RNF150: variants seen among roughly 807,000 people sequenced by gnomAD.
The protein encoded by RNF150 is ring finger protein 150.
In RNF150, 24 loss-of-function variants were observed where a neutral mutation model predicts 39.3. That is an observed-to-expected ratio of 0.61 (90% confidence interval 0.44 to 0.86). The LOEUF (loss-of-function observed/expected upper bound fraction) is 0.86. Among genes scored for constraint, RNF150 ranks in the 40% least tolerant of loss-of-function variants. The probability of loss-of-function intolerance (pLI) is 0.00; values close to 1 mark genes in which losing one functional copy is unlikely to be tolerated. For missense variants in RNF150, 502 were observed against 587.8 expected (o/e 0.85, Z 1.51); for synonymous variants, 255 against 227.3 (o/e 1.12, Z -1.10).
chr4:140,912,959 T>TAAAAAAAAAAAAA (rs10616886), intron 5 of RNF150, among the ~76,000 whole-genome samples: 1 of 138,176 alleles, frequency 7.2e-6, no homozygotes, highest in Admixed American at 7.0e-5. Context: ...CATCAGAACA[T>TAAAAAAAAAAAAA]AAAAAAAAAA....
chr4:141,182,336 C>T (rs1190054249), intron 1 of RNF150, among the ~76,000 whole-genome samples: 1 of 60,870 alleles, frequency 1.6e-5, no homozygotes, highest in Admixed American at 2.1e-4. Flanking sequence ...CCAGGGCAAT[C>T]AGGCAGGAGA....
Position 140,967,733 on chromosome 4 carries a change from C to T in RNF150, c.625G>A (p.Val209Ile), listed in dbSNP as rs746883500. ...ATGAAGGAGATGGAGACAAACACAA[C>T]CGAAGTGCGGCTCACATATTTCTGC... ...NLQKYVSRTS[V>I]VFVSISFIVL... is the part of the protein sequence containing the mutation. Residue 209 changes from valine (V) to isoleucine (I), a missense_variant, in exon 2 of 7, where the codon GTT becomes ATT. Coordinates refer to ENST00000515673, the MANE Select transcript of RNF150 (RefSeq NM_020724.2). 6.2e-7 allele frequency: 1 copy of T among 1,613,550 alleles called. No homozygotes were observed. Among genetic ancestry groups the T allele is most frequent in the Non-Finnish European group, 8.5e-7 (1 of 1,179,656 alleles).
chr4:140,924,065 T>C (rs181957299), intron 5 of RNF150, among the ~76,000 whole-genome samples: 42 of 152,246 alleles, frequency 2.8e-4, no homozygotes, highest in African/African-American at 9.6e-4. Flanking sequence ...AGCACATGTA[T>C]ACACATGCAA....
intron 1 of RNF150, among the ~76,000 whole-genome samples, chr4:141,000,132 A>C (rs530006542): frequency 6.6e-6 from 1 of 151,598 alleles, no homozygotes; most frequent in South Asian, 2.1e-4. Context: ...GAAGAAGAAA[A>C]CATTTCCATC....
chr4:140,960,599 G>A (rs1732982447), intron 2 of RNF150, among the ~76,000 whole-genome samples: 1 of 152,094 alleles, frequency 6.6e-6, no homozygotes, highest in Non-Finnish European at 1.5e-5. Context: ...GGGCTTGAAG[G>A]CTGAGTTGAT....
Position 141,211,810 on chromosome 4 carries a change from T to A in RNF150, c.-6+984A>T, listed in dbSNP as rs77100541. Reference sequence around the variant, plus strand: ...AAGATAGGGCAGTTTGACTTTGCTATATAATCTTTACTGTCAATATTTTAA... The same window carrying A: ...AAGATAGGGCAGTTTGACTTTGCTAAATAATCTTTACTGTCAATATTTTAA... On this transcript the variant is annotated intron_variant, in intron 1 of 7. Coordinates refer to the RNF150 transcript ENST00000420921. Among the ~76,000 whole-genome samples, 325 of 152,294 alleles carry A rather than the reference T, an allele frequency of 2.1e-3. 8 individuals are homozygous for A. In the East Asian group the frequency reaches 0.045, roughly 21 times the overall value.
intron 1 of RNF150, among the ~76,000 whole-genome samples, chr4:141,145,046 T>C (rs1560758515): frequency 6.6e-6 from 1 of 152,162 alleles, no homozygotes; most frequent in African/African-American, 2.4e-5. Context: ...AATACAATCT[T>C]GGTCATATAA....
rs1390397195 is a variant in RNF150, at chr4:141,185,460, T to C, written c.-6+27334A>G. 5.3e-5 allele frequency among the ~76,000 whole-genome samples: 8 copies of C among 152,196 alleles called. No individual in the cohort carries two copies. In the East Asian group the frequency reaches 1.3e-3, roughly 26 times the overall value. On this transcript the variant is annotated intron_variant, in intron 1 of 7. Transcript: ENST00000420921. ...ACAATGGGTTTTTCTAAATATACAA[T>C]CACGTCATCTGCAAACAGAGACAAT... is the stretch of plus-strand genomic sequence containing the variant.
At chr4:140,929,560 G>T (rs975607847) in intron 4 of RNF150, among the ~76,000 whole-genome samples, 1 of 151,802 alleles carries the variant, frequency 6.6e-6, no homozygotes, top group African/African-American at 2.4e-5. Flanking sequence ...TAGAGACGGG[G>T]TTTCATCGTG....
intron 6 of RNF150, among the ~76,000 whole-genome samples, chr4:140,882,345 C>T (rs1321178738): frequency 6.6e-6 from 1 of 152,056 alleles, no homozygotes; most frequent in African/African-American, 2.4e-5. Flanking sequence ...GTTTTGTGGC[C>T]TAACATGTGA....
intron 2 of RNF150, among the ~76,000 whole-genome samples, chr4:140,962,081 ACTCTCT>A (rs1156404272): frequency 9.0e-6 from 1 of 110,932 alleles, no homozygotes; most frequent in Non-Finnish European, 2.0e-5. Flanking sequence ...CTCTCTCTCT[ACTCTCT>A]CTCTCTCTAC....
intron 1 of RNF150, among the ~76,000 whole-genome samples, chr4:141,116,543 G>A: frequency 6.6e-6 from 1 of 152,206 alleles, no homozygotes. Context: ...CTGTTGGTGG[G>A]AGTGTAAATT....
At chr4:141,059,495 G>A (rs35906736) in intron 1 of RNF150, among the ~76,000 whole-genome samples, 1 of 151,968 alleles carries the variant, frequency 6.6e-6, no homozygotes, top group Non-Finnish European at 1.5e-5. Flanking sequence ...GAAGTTTGAT[G>A]GTTTTGCTCC....
At chr4:141,183,823 C>T (rs1013048512) in intron 1 of RNF150, among the ~76,000 whole-genome samples, 5 of 152,132 alleles carry the variant, frequency 3.3e-5, no homozygotes, top group African/African-American at 1.2e-4. Context: ...CATGTCCTTG[C>T]AAAGGACATG....
At chr4:141,119,835 C>T (rs552290923) in intron 1 of RNF150, among the ~76,000 whole-genome samples, 9 of 152,244 alleles carry the variant, frequency 5.9e-5, no homozygotes, top group Non-Finnish European at 1.0e-4. Flanking sequence ...GTCAGGTTAG[C>T]GAGTAGATGA....
intron 4 of RNF150, among the ~76,000 whole-genome samples, chr4:140,933,096 T>G (rs1174278568): frequency 6.6e-6 from 1 of 152,218 alleles, no homozygotes; most frequent in African/African-American, 2.4e-5. Context: ...TAGTAAGTGT[T>G]CAGGGGATAA....
chr4:141,079,467 T>A (rs553316180), intron 1 of RNF150, among the ~76,000 whole-genome samples: 267 of 152,318 alleles, frequency 1.8e-3, no homozygotes, highest in African/African-American at 6.2e-3. Flanking sequence ...GTTCCATCCC[T>A]TCATAGTTAT....
chr4:141,200,565 A>G (rs1184766079), intron 1 of RNF150, among the ~76,000 whole-genome samples: 1 of 152,164 alleles, frequency 6.6e-6, no homozygotes, highest in African/African-American at 2.4e-5. Context: ...CTCATTGATG[A>G]GGATTCCATC....
chr4:141,095,523 T>C (rs1335178970), intron 1 of RNF150, among the ~76,000 whole-genome samples: 2 of 152,166 alleles, frequency 1.3e-5, no homozygotes, highest in Admixed American at 6.5e-5. Context: ...TGCGTCAAAA[T>C]GATTGAATCT....
Sources: allele counts gnomAD v4.1 joint callset (sites outside exome capture counted in the v4.1 genomes callset), GRCh38; gene constraint gnomAD v4.1.1; transcripts MANE v1.5; gene names NCBI Gene and HGNC (gene_info 2026-07-23, HGNC 2026-07-21).